The following ADCYAP1R1 variants were observed in gnomAD, a reference collection of about 807,000 sequenced individuals.
The protein encoded by ADCYAP1R1 is pituitary adenylate cyclase-activating polypeptide type I receptor.
In ADCYAP1R1, 44 loss-of-function variants were observed where a neutral mutation model predicts 67.6. That is an observed-to-expected ratio of 0.65 (90% CI 0.51 to 0.84). ADCYAP1R1 has a LOEUF of 0.84. ADCYAP1R1 is among the 40% of genes least tolerant of loss of function. The pLI is 0.00. For missense variants in ADCYAP1R1, 477 were observed against 587.9 expected, an observed-to-expected ratio of 0.81 and a Z score of 1.95; for synonymous variants, 222 against 219.6, an observed-to-expected ratio of 1.01 and a Z score of -0.10.
intron 9 of ADCYAP1R1, among the ~76,000 whole-genome samples, chr7:31,085,835 T>C (rs1313076922): frequency 6.6e-6 from 1 of 152,170 alleles, no homozygotes; most frequent in Non-Finnish European, 1.5e-5. Flanking sequence ...CCAGGGGTCT[T>C]TCCAGACACC....
intron 9 of ADCYAP1R1, among the ~76,000 whole-genome samples, chr7:31,085,975 A>G (rs1304093637): frequency 2.0e-5 from 3 of 152,186 alleles, no homozygotes; most frequent in Non-Finnish European, 1.5e-5. Flanking sequence ...CTCTATGAGT[A>G]GAGATTTCTG....
chr7:31,094,626 C>A (rs1161549024), intron 13 of ADCYAP1R1, among the ~76,000 whole-genome samples: 1 of 152,020 alleles, frequency 6.6e-6, no homozygotes, highest in Admixed American at 6.5e-5. Flanking sequence ...CCTACTGAAC[C>A]CTGAACATAC....
intron 13 of ADCYAP1R1, among the ~76,000 whole-genome samples, chr7:31,093,666 AG>A (rs1266854257): frequency 2.0e-5 from 3 of 152,110 alleles, no homozygotes; most frequent in Admixed American, 6.5e-5. Flanking sequence ...TCTGTTGGTA[AG>A]GCAAAAGCCC....
chr7:31,105,365 C>T (rs1796597790), intron 15 of ADCYAP1R1, among the ~76,000 whole-genome samples: 1 of 152,234 alleles, frequency 6.6e-6, no homozygotes, highest in South Asian at 2.1e-4. Flanking sequence ...ACTGGCCAGC[C>T]AGCCTGGCCC....
rs148423856 is a variant in ADCYAP1R1 at position 31,063,443 on chromosome 7, C to G, written c.51+128C>G. 3.9e-5 allele frequency: 38 copies of G among 975,550 alleles called. No homozygotes were observed. In the African/African-American group the frequency reaches 4.0e-4, roughly 10 times the overall value. 60.4% of individuals were successfully genotyped at this position (975,550 alleles called of 1,614,324 possible). A position where few individuals can be genotyped will look rare whatever the true frequency, so the allele number is the denominator to read the frequency against. On this transcript the variant is annotated intron_variant, in intron 2 of 15. Transcript: ENST00000304166. ...GCTGGTATTTCTGCCAACACCACCA[C>G]TGGGCCACCCAGTGCCTTTGTGTGA...
chr7:31,055,600 T>C (rs1794205446), intron 1 of ADCYAP1R1, among the ~76,000 whole-genome samples: 1 of 152,220 alleles, frequency 6.6e-6, no homozygotes, highest in Non-Finnish European at 1.5e-5. Context: ...ATTCTTTTAA[T>C]TCTTTCCAAC....
At chr7:31,058,070 CTG>C (rs1794331928) in intron 1 of ADCYAP1R1, among the ~76,000 whole-genome samples, 1 of 152,216 alleles carries the variant, frequency 6.6e-6, no homozygotes, top group African/African-American at 2.4e-5. Context: ...GCAGAGGAAA[CTG>C]TGCTGCTCTG....
intron 12 of ADCYAP1R1, among the ~76,000 whole-genome samples, chr7:31,088,048 T>G (rs543173654): frequency 6.6e-6 from 1 of 152,364 alleles, no homozygotes; most frequent in Non-Finnish European, 1.5e-5. Context: ...CTTTAACAAT[T>G]TATTCCTCCT....
intron 14 of ADCYAP1R1, among the ~76,000 whole-genome samples, chr7:31,103,801 A>G (rs993634460): frequency 1.3e-5 from 2 of 152,156 alleles, no homozygotes; most frequent in Non-Finnish European, 2.9e-5. Context: ...GAGCAAACAG[A>G]CATGAGTGAG....
intron 3 of ADCYAP1R1, among the ~76,000 whole-genome samples, chr7:31,069,800 A>G (rs1794899272): frequency 6.6e-6 from 1 of 152,182 alleles, no homozygotes. Flanking sequence ...GGGGTGAAAA[A>G]TAGAGCCCAG....
chr7:31,096,998 C>A (rs949984868), intron 13 of ADCYAP1R1, among the ~76,000 whole-genome samples: 1 of 152,266 alleles, frequency 6.6e-6, no homozygotes, highest in African/African-American at 2.4e-5. Flanking sequence ...CTGCACACCA[C>A]AGCTGCGGAA....
rs1010501273 is a variant in ADCYAP1R1 at position 31,110,689 on chromosome 7, G to C, written c.*4005G>C. 6.5e-6 allele frequency: 1 copy of C among 152,816 alleles called. No individual in the cohort carries two copies. Among genetic ancestry groups the C allele is most frequent in the African/African-American group, 2.4e-5 (1 of 41,420 alleles). The allele number at this position is 152,816 out of a possible 1,614,324, so 9.5% of individuals were successfully genotyped here. ...GCAGGAGAAGCAATGGAGTCAGTGTGGTGTGGGGAGACCTACTTTTTAACC... is the reference window on the plus strand; with the variant it reads ...GCAGGAGAAGCAATGGAGTCAGTGTCGTGTGGGGAGACCTACTTTTTAACC... On this transcript the variant is annotated 3_prime_UTR_variant, in exon 16 of 16. Transcript: ENST00000304166.
chr7:31,056,876 G>A (rs375617970), intron 1 of ADCYAP1R1: 54 of 152,302 alleles, frequency 3.5e-4, no homozygotes, highest in African/African-American at 1.2e-3. Flanking sequence ...CTGATATCTT[G>A]TTGTGTTCCT....
chr7:31,094,016 T>G (rs1203710752), intron 13 of ADCYAP1R1, among the ~76,000 whole-genome samples: 1 of 152,054 alleles, frequency 6.6e-6, no homozygotes, highest in East Asian at 1.9e-4. Flanking sequence ...CCTGGGGAAC[T>G]CCCCATGTGG....
chr7:31,091,837 T>A (rs1440338298), intron 12 of ADCYAP1R1, among the ~76,000 whole-genome samples: 1 of 152,134 alleles, frequency 6.6e-6, no homozygotes, highest in Non-Finnish European at 1.5e-5. Context: ...ACTTTATTTT[T>A]ATTGATCAGT....
At chr7:31,103,124 G>T in intron 13 of ADCYAP1R1, 113 bp from the exon 14 acceptor site, 1 of 1,442,122 alleles carries the variant, frequency 6.9e-7, no homozygotes, top group Non-Finnish European at 9.4e-7. Context: ...CTGTGGACAC[G>T]GGCCCCAGCT....
chr7:31,099,428 T>A (rs570320884), intron 13 of ADCYAP1R1, among the ~76,000 whole-genome samples: 8 of 152,308 alleles, frequency 5.3e-5, no homozygotes, highest in Admixed American at 3.9e-4. Context: ...GGTTTTTAAT[T>A]TGATTAATTT....
chr7:31,064,615 T>C (rs548040138), intron 2 of ADCYAP1R1, among the ~76,000 whole-genome samples: 2 of 152,240 alleles, frequency 1.3e-5, no homozygotes, highest in African/African-American at 2.4e-5. Context: ...GTGGGACCTG[T>C]CCAAAGCCAC....
intron 3 of ADCYAP1R1, among the ~76,000 whole-genome samples, chr7:31,077,540 G>A (rs1795308744): frequency 6.7e-6 from 1 of 149,038 alleles, no homozygotes; most frequent in South Asian, 2.2e-4. Context: ...TTTGTGGTGT[G>A]TGTAATGTGT....
Sources: allele counts gnomAD v4.1 joint callset (sites outside exome capture counted in the v4.1 genomes callset), GRCh38; gene constraint gnomAD v4.1.1; transcripts MANE v1.5; gene names NCBI Gene and HGNC (gene_info 2026-07-23, HGNC 2026-07-21).